NUDCD1: variants seen among roughly 807,000 people sequenced by gnomAD.
NUDCD1 encodes NudC domain containing 1.
A neutral mutation model predicts 67.8 loss-of-function variants in NUDCD1; 60 were observed. The ratio of observed to expected loss-of-function variants is 0.88; its 90% CI spans 0.72 to 1.10. NUDCD1 has a LOEUF of 1.10. Among genes scored for constraint, NUDCD1 ranks in the 50% least tolerant of loss-of-function variants. The pLI is 0.00. For synonymous variants in NUDCD1, 244 were observed against 230.8 expected (o/e 1.06, Z -0.52); for missense variants, 643 against 695.0 (o/e 0.93, Z 0.84).
intron 5 of NUDCD1, among the ~76,000 whole-genome samples, chr8:109,287,186 T>C (rs1814595113): frequency 1.3e-5 from 2 of 152,182 alleles, no homozygotes; most frequent in Non-Finnish European, 2.9e-5. Context: ...ACACTATTGG[T>C]GGGAATGTCA....
chr8:109,299,616 T>C (rs113188181), intron 2 of NUDCD1, among the ~76,000 whole-genome samples: 9 of 152,230 alleles, frequency 5.9e-5, no homozygotes, highest in African/African-American at 2.2e-4. Flanking sequence ...AAGGAGAGCC[T>C]GAGCTCAGAC....
intron 2 of NUDCD1, among the ~76,000 whole-genome samples, chr8:109,301,412 A>G (rs988294362): frequency 6.6e-6 from 1 of 152,184 alleles, no homozygotes; most frequent in Non-Finnish European, 1.5e-5. Context: ...TTTCGGACTC[A>G]GCTCGCCTGC....
chr8:109,266,288 C>T (rs998061034), intron 8 of NUDCD1, among the ~76,000 whole-genome samples: 6 of 151,412 alleles, frequency 4.0e-5, no homozygotes, highest in African/African-American at 4.9e-5. Flanking sequence ...TGCAGTGGCG[C>T]GATCTCGGCT....
intron 3 of NUDCD1, among the ~76,000 whole-genome samples, chr8:109,293,841 G>C (rs1563674924): frequency 6.6e-6 from 1 of 151,650 alleles, no homozygotes; most frequent in Non-Finnish European, 1.5e-5. Context: ...TTTTTTGTTT[G>C]TTATTTATTC....
intron 8 of NUDCD1, among the ~76,000 whole-genome samples, chr8:109,252,243 T>G (rs1394077516): frequency 1.3e-5 from 2 of 152,104 alleles, no homozygotes; most frequent in Non-Finnish European, 2.9e-5. Flanking sequence ...TGACCTCAGT[T>G]TCAGGTTTTG....
intron 6 of NUDCD1, among the ~76,000 whole-genome samples, chr8:109,279,053 C>A (rs1814367365): frequency 6.6e-6 from 1 of 152,126 alleles, no homozygotes; most frequent in Admixed American, 6.6e-5. Flanking sequence ...TGTGCCACTG[C>A]ACTCCATCCT....
chr8:109,328,353 C>T (rs117969769), intron 1 of NUDCD1, among the ~76,000 whole-genome samples: 4,899 of 152,224 alleles, frequency 0.032, 101 homozygotes, highest in Middle Eastern at 0.11. Flanking sequence ...TACTTGTATG[C>T]AGAGTTGACT....
chr8:109,306,631 A>ACCCCCCCCCCCCCC (rs35720923), intron 2 of NUDCD1, among the ~76,000 whole-genome samples: 1 of 145,242 alleles, frequency 6.9e-6, no homozygotes, highest in Non-Finnish European at 1.5e-5. Flanking sequence ...ATTATGTTGA[A>ACCCCCCCCCCCCCC]CCCCCCCCAC....
chr8:109,306,634 C>A (rs988543471), intron 2 of NUDCD1, among the ~76,000 whole-genome samples: 1 of 150,502 alleles, frequency 6.6e-6, no homozygotes, highest in African/African-American at 2.4e-5. Flanking sequence ...ATGTTGAACC[C>A]CCCCCACCCC....
At chr8:109,249,585 A>G (rs1344165480) in intron 8 of NUDCD1, among the ~76,000 whole-genome samples, 1 of 152,222 alleles carries the variant, frequency 6.6e-6, no homozygotes, top group Non-Finnish European at 1.5e-5. Flanking sequence ...CAGTGGTTAC[A>G]AATGTATGCT....
chr8:109,257,385 A>T (rs543812172), intron 8 of NUDCD1, among the ~76,000 whole-genome samples: 94 of 152,266 alleles, frequency 6.2e-4, no homozygotes, highest in South Asian at 2.3e-3. Context: ...ATTCCAAAAT[A>T]CAAAATATCG....
At chr8:109,282,560 T>A (rs540757369) in intron 5 of NUDCD1, among the ~76,000 whole-genome samples, 2 of 151,978 alleles carry the variant, frequency 1.3e-5, no homozygotes, top group African/African-American at 4.8e-5. Flanking sequence ...AAATTTGAAG[T>A]GCCAGAATCT....
At chr8:109,264,390 T>C (rs111242565) in intron 8 of NUDCD1, among the ~76,000 whole-genome samples, 3,154 of 152,304 alleles carry the variant, frequency 0.021, 109 homozygotes, top group African/African-American at 0.072. Flanking sequence ...TGCCAATCCT[T>C]AAACACTTTT....
intron 2 of NUDCD1, chr8:109,316,016 T>G (rs1198862002): frequency 6.6e-6 from 1 of 152,146 alleles, no homozygotes; most frequent in African/African-American, 2.4e-5. Flanking sequence ...AAGTACAAAT[T>G]AAAGAGGCAC....
chr8:109,280,992 G>T lies in NUDCD1; in HGVS notation c.1004C>A (p.Thr335Lys), dbSNP rs778521890. 6.3e-7 allele frequency: 1 copy of T among 1,591,298 alleles called. No individual in the cohort carries two copies. The highest frequency in any genetic ancestry group is 1.7e-5 in the Admixed American group (1 of 59,944). ...LYSSIDHESS[T>K]WIIKESNSLE... ...CCTATTACTCTCTTTAATTATCCATGTACTGCTTTCATGATCAATAGATGA... is the reference window on the plus strand; with the variant it reads ...CCTATTACTCTCTTTAATTATCCATTTACTGCTTTCATGATCAATAGATGA... Residue 335 changes from threonine (T) to lysine (K), a missense_variant, in exon 6 of 10, where the codon ACA becomes AAA. Physicochemically the swap from Thr to Lys is moderately conservative, Grantham distance 78 (BLOSUM62 -1). Coordinates refer to ENST00000239690, the MANE Select transcript of NUDCD1 (RefSeq NM_032869.4).
intron 6 of NUDCD1, among the ~76,000 whole-genome samples, chr8:109,279,312 T>C (rs537983667): frequency 6.6e-6 from 1 of 152,180 alleles, no homozygotes; most frequent in South Asian, 2.1e-4. Flanking sequence ...GTTTTAGTCA[T>C]GTATTGGTGT....
At chr8:109,251,487 T>G (rs1328529754) in intron 8 of NUDCD1, among the ~76,000 whole-genome samples, 2 of 152,192 alleles carry the variant, frequency 1.3e-5, no homozygotes, top group Admixed American at 1.3e-4. Context: ...CATCTATTTC[T>G]TAAGTGAACT....
At chr8:109,285,137 C>A (rs969148484) in intron 5 of NUDCD1, among the ~76,000 whole-genome samples, 2 of 151,988 alleles carry the variant, frequency 1.3e-5, no homozygotes, top group Admixed American at 6.6e-5. Flanking sequence ...CTTGAACAGA[C>A]CAATATCAAG....
intron 9 of NUDCD1, among the ~76,000 whole-genome samples, 199 bp downstream of exon 9, chr8:109,245,123 C>T (rs994846875): frequency 6.6e-6 from 1 of 151,936 alleles, no homozygotes; most frequent in Admixed American, 6.6e-5. Context: ...ATCTTCTGTA[C>T]AAGCATAAAA....
Sources: gnomAD v4.1 joint callset for allele counts (sites outside exome capture counted in the v4.1 genomes callset) on GRCh38, gnomAD v4.1.1 for gene constraint, MANE v1.5 for transcripts, NCBI Gene and HGNC (gene_info 2026-07-23, HGNC 2026-07-21) for gene names.